The following DNAH5 variants were observed in gnomAD, a reference collection of about 807,000 sequenced individuals.
DNAH5 encodes the protein axonemal beta dynein heavy chain 5.
DNAH5 carries 372 observed loss-of-function variants against 518.2 expected under a neutral mutation model. The ratio of observed to expected loss-of-function variants is 0.72; its 90% CI spans 0.66 to 0.78. The LOEUF is 0.78. Among genes scored for constraint, DNAH5 ranks in the 30% least tolerant of loss-of-function variants. The pLI is 0.00. For synonymous variants in DNAH5, 2,039 were observed against 2,025.9 expected (o/e 1.01, Z -0.17); for missense variants, 5,523 against 5,687.0 (o/e 0.97, Z 0.93).
At chr5:13,725,767 G>A (rs1745641020) in intron 70 of DNAH5, among the ~76,000 whole-genome samples, 1 of 152,136 alleles carries the variant, frequency 6.6e-6, no homozygotes, top group African/African-American at 2.4e-5. Context: ...CGATTCTCCT[G>A]CCTCAGCCTC....
Position 13,859,557 on chromosome 5 carries a change from A to C in DNAH5, c.4845T>G (p.Leu1615=), listed in dbSNP as rs745668711. ...TCTCGATGATGTCTGTTGAGTTGGA[A>C]AGGTACTGCACCCATTTTTGAATCT... The part of the protein sequence containing the change: ...KAQIQKWVQY[L]SNSTDIIESW... Residue 1615 remains leucine (L), a synonymous_variant, in exon 30 of 79, where the codon CTT becomes CTG. Transcript: ENST00000265104. 1 of 1,614,078 alleles carries C rather than the reference A, an allele frequency of 6.2e-7. No individual in the cohort carries two copies. The highest frequency in any genetic ancestry group is 8.5e-7 in the Non-Finnish European group (1 of 1,179,944).
intron 1 of DNAH5, among the ~76,000 whole-genome samples, chr5:13,967,287 T>G (rs1215571851): frequency 6.6e-6 from 1 of 152,230 alleles, no homozygotes; most frequent in Non-Finnish European, 1.5e-5. Context: ...CAATGTTATC[T>G]TCTAGAATTT....
chr5:13,818,121 G>A (rs1201803479), intron 41 of DNAH5, among the ~76,000 whole-genome samples: 1 of 152,132 alleles, frequency 6.6e-6, no homozygotes, highest in East Asian at 1.9e-4. Flanking sequence ...TGCTCACCTT[G>A]AAAACGATAA....
At chr5:13,894,885 A>C in intron 15 of DNAH5, 64 bp from the exon 16 acceptor site, 1,213 of 1,546,596 alleles carry the variant, frequency 7.8e-4, no homozygotes, top group Non-Finnish European at 9.6e-4. Context: ...TTAATATCTC[A>C]TGTCTTATAC....
chr5:13,876,564 C>A lies in DNAH5; in HGVS notation c.3396+120G>T. 3 of 1,192,826 alleles carry A rather than the reference C, an allele frequency of 2.5e-6. No homozygotes were observed. In the South Asian group the frequency reaches 4.7e-5, roughly 19 times the overall value. The allele number at this position is 1,192,826 out of a possible 1,614,324, so 73.9% of individuals were successfully genotyped here. A position where few individuals can be genotyped will look rare whatever the true frequency, so the allele number is the denominator to read the frequency against. On this transcript the variant is annotated intron_variant, in intron 22 of 78. Transcript: ENST00000265104. ...ACATTTGCTGAGCACATACAAGATG[C>A]TCCCTGAAAGCACAGTGTGTGAGAC...
chr5:13,755,437 A>C (rs1750867102), intron 61 of DNAH5, among the ~76,000 whole-genome samples: 1 of 152,218 alleles, frequency 6.6e-6, no homozygotes, highest in Non-Finnish European at 1.5e-5. Context: ...GCATTTCTAA[A>C]TTATCAGTTA....
Position 13,717,446 on chromosome 5 carries a change from G to A in DNAH5, c.12574C>T (p.His4192Tyr), listed in dbSNP as rs748199626. Residue 4192 changes from histidine (H) to tyrosine (Y), a missense_variant, in exon 73 of 79, where the codon CAC becomes TAC. Coordinates refer to ENST00000265104, the MANE Select transcript of DNAH5 (RefSeq NM_001369.3). The stretch of plus-strand genomic sequence containing the variant: ...TTGCGCCTCTCCTGGACAGTGGAGT[G>A]CAGGAAAGCCACTGCGTACAGCATG... ...KPMLYAVAFLHSTVQERRKFG... is the reference protein window; with the variant it reads ...KPMLYAVAFLYSTVQERRKFG... 1.2e-6 allele frequency: 2 copies of A among 1,614,176 alleles called. No individual in the cohort carries two copies. Among genetic ancestry groups the A allele is most frequent in the Non-Finnish European group, 1.7e-6 (2 of 1,180,012 alleles).
chr5:13,993,076 T>TA (rs1783671433), intron 1 of DNAH5, among the ~76,000 whole-genome samples: 1 of 152,236 alleles, frequency 6.6e-6, no homozygotes, highest in African/African-American at 2.4e-5. Flanking sequence ...TGGAAAGTCA[T>TA]AGACACAGAG....
chr5:13,767,706 T>C (rs560205140), intron 58 of DNAH5, among the ~76,000 whole-genome samples: 1 of 152,198 alleles, frequency 6.6e-6, no homozygotes, highest in Admixed American at 6.5e-5. Flanking sequence ...GTAAAAGAGG[T>C]TGGAGAGGGG....
chr5:13,945,178 A>T (rs561293848), upstream of DNAH5, among the ~76,000 whole-genome samples: 11 of 152,386 alleles, frequency 7.2e-5, no homozygotes, highest in African/African-American at 2.4e-4. Context: ...GTGGCTAAAC[A>T]TCTTGATCAT....
chr5:13,830,314 C>A, intron 36 of DNAH5, 101 bp from the exon 37 acceptor site: 6 of 1,156,432 alleles, frequency 5.2e-6, no homozygotes, highest in African/African-American at 1.5e-5. Flanking sequence ...GATGTAAGTT[C>A]ATTCAAAAGT....
intron 59 of DNAH5, among the ~76,000 whole-genome samples, chr5:13,763,217 G>A (rs1752019179): frequency 6.6e-6 from 1 of 151,874 alleles, no homozygotes; most frequent in Non-Finnish European, 1.5e-5. Context: ...AATTTCCAAA[G>A]CAATAAAGAT....
chr5:13,733,622 AAG>A (rs563877361), intron 68 of DNAH5, among the ~76,000 whole-genome samples: 1 of 152,226 alleles, frequency 6.6e-6, no homozygotes, highest in African/African-American at 2.4e-5. Context: ...GACACAATTA[AAG>A]AGAGAGAGAT....
At chr5:13,959,387 T>C (rs1479115211) in intron 1 of DNAH5, among the ~76,000 whole-genome samples, 1 of 152,212 alleles carries the variant, frequency 6.6e-6, no homozygotes, top group Non-Finnish European at 1.5e-5. Flanking sequence ...GTGTGGATTC[T>C]CTCTGTCTTC....
At chr5:13,846,950 A>G (rs1451161037) in intron 31 of DNAH5, among the ~76,000 whole-genome samples, 1 of 152,194 alleles carries the variant, frequency 6.6e-6, no homozygotes, top group African/African-American at 2.4e-5. Context: ...CCCAATCCTT[A>G]TTTGAATAAC....
intron 78 of DNAH5, among the ~76,000 whole-genome samples, chr5:13,694,559 C>G (rs1741114811): frequency 6.6e-6 from 1 of 152,184 alleles, no homozygotes; most frequent in African/African-American, 2.4e-5. Context: ...AATTGGCAAG[C>G]CATACCCTTT....
intron 35 of DNAH5, among the ~76,000 whole-genome samples, chr5:13,835,849 C>T (rs775577023): frequency 1.3e-5 from 2 of 152,116 alleles, no homozygotes; most frequent in African/African-American, 2.4e-5. Context: ...GTGTCCGTAG[C>T]GTTTATCTAA....
At chr5:13,739,410 C>T (rs937259745) in intron 65 of DNAH5, among the ~76,000 whole-genome samples, 1 of 152,098 alleles carries the variant, frequency 6.6e-6, no homozygotes, top group African/African-American at 2.4e-5. Context: ...TGAAGAAGGT[C>T]CCTGCTTCTC....
intron 46 of DNAH5, among the ~76,000 whole-genome samples, 156 bp downstream of exon 46, chr5:13,808,888 A>C (rs1251840402): frequency 1.3e-5 from 2 of 152,070 alleles, no homozygotes; most frequent in African/African-American, 4.8e-5. Flanking sequence ...TGAACCCGGG[A>C]GGTGGAGCCT....
Sources: allele counts gnomAD v4.1 joint callset (sites outside exome capture counted in the v4.1 genomes callset), GRCh38; gene constraint gnomAD v4.1.1; transcripts MANE v1.5; gene names NCBI Gene and HGNC (gene_info 2026-07-23, HGNC 2026-07-21).